Variants in DCAF1 observed in about 807,000 individuals in gnomAD.
The protein encoded by DCAF1 is DDB1 and CUL4 associated factor 1.
A neutral mutation model predicts 128.0 loss-of-function variants in DCAF1; 15 were observed. The observed-to-expected ratio is 0.12, with a 90% CI of 0.08 to 0.18. The LOEUF is 0.18. Ranked by LOEUF, DCAF1 falls within the 10% of genes least tolerant of loss-of-function variation. DCAF1 has a pLI of 1.00. For missense variants in DCAF1, 988 were observed against 1,649.5 expected (o/e 0.60, Z 6.95); for synonymous variants, 610 against 603.0 (o/e 1.01, Z -0.17).
chr3:51,423,829 A>T (rs539066051), intron 13 of DCAF1, among the ~76,000 whole-genome samples: 19 of 151,962 alleles, frequency 1.3e-4, no homozygotes, highest in African/African-American at 4.6e-4. Flanking sequence ...CAAAAAAAAA[A>T]AAAAAAAGAA....
At position 51,419,965 on chromosome 3, in the gene DCAF1, G is replaced by A. The variant is rs782752818; in HGVS notation, c.3005C>T (p.Pro1002Leu). The A allele has an allele frequency of 6.2e-7, 1 of 1,614,070 alleles. No homozygotes were observed. Among genetic ancestry groups the A allele is most frequent in the South Asian group, 1.1e-5 (1 of 91,088 alleles). The change falls in exon 15 of 25, where the codon CCT becomes CTT. Residue 1002 changes from proline to leucine, a missense_variant. Physicochemically the swap from Pro to Leu is moderately conservative, Grantham distance 98 (BLOSUM62 -3). Transcript: ENST00000684031. ...CTCTGTGATTATACTGTCCAGCGTA[G>A]GTGGGGAAGGAAGATGTCTGTCCAG... ...KQLDRHLPSP[P>L]TLDSIITEYL...
intron 2 of DCAF1, among the ~76,000 whole-genome samples, chr3:51,490,320 A>G (rs144308295): frequency 3.7e-4 from 57 of 152,228 alleles, no homozygotes; most frequent in African/African-American, 1.3e-3. Context: ...ACTCCCAGCT[A>G]CTCGGTAGGC....
chr3:51,438,123 T>C (rs375280162), intron 9 of DCAF1: 2 of 413,992 alleles, frequency 4.8e-6, no homozygotes, highest in Non-Finnish European at 9.3e-6. Context: ...TTTGGTGTGG[T>C]TATGCATTTT....
chr3:51,454,997 T>C (rs1702752159), intron 6 of DCAF1, among the ~76,000 whole-genome samples: 1 of 152,178 alleles, frequency 6.6e-6, no homozygotes, highest in South Asian at 2.1e-4. Context: ...TTTTTGATAG[T>C]TGAAGCATAC....
Position 51,419,722 on chromosome 3 carries a change from G to T in DCAF1, c.3236+12C>A, listed in dbSNP as rs782139150. ...TCCAATTCCCAGGGAGTAAGAAGGG[G>T]CCTCTTCTTACCTGCTAAAGATAAG... On this transcript the variant is annotated intron_variant, in intron 15 of 24. Transcript: ENST00000684031. 1 of 1,588,056 alleles carries T rather than the reference G, an allele frequency of 6.3e-7. No individual in the cohort carries two copies. The highest frequency in any genetic ancestry group is 1.1e-5 in the South Asian group (1 of 87,850).
intron 15 of DCAF1, 139 bp downstream of exon 15, chr3:51,419,595 T>C (rs1699213892): frequency 5.7e-6 from 8 of 1,405,126 alleles, no homozygotes; most frequent in African/African-American, 4.3e-5. Flanking sequence ...TGACAAAAGG[T>C]GGTACAATTA....
chr3:51,448,246 C>G (rs1553640750), intron 6 of DCAF1, among the ~76,000 whole-genome samples: 3 of 152,194 alleles, frequency 2.0e-5, no homozygotes, highest in Non-Finnish European at 1.5e-5. Context: ...CTGAAACTCC[C>G]TTTAGATATT....
rs147284178 is a variant in DCAF1 at position 51,439,725 on chromosome 3, C to T, written c.1128+1245G>A. ...ATTTTTTTGTGGCCAGGCGTGATGG[C>T]TCACTCCTGTAATCCCTACATTCTG... On this transcript the variant is annotated intron_variant, in intron 9 of 24. Coordinates refer to ENST00000684031, the MANE Select transcript of DCAF1 (RefSeq NM_001387579.1). 2.0e-3 allele frequency among the ~76,000 whole-genome samples: 300 copies of T among 152,238 alleles called. 4 individuals carry two copies. Among genetic ancestry groups the T allele is most frequent in the East Asian group, 0.012 (60 of 5,194 alleles).
chr3:51,473,425 C>CTTT (rs782196520), intron 3 of DCAF1, among the ~76,000 whole-genome samples: 2 of 74,176 alleles, frequency 2.7e-5, no homozygotes, highest in African/African-American at 5.3e-5. Flanking sequence ...ACTTTCTAGT[C>CTTT]TTTTTTTTTT....
chr3:51,403,041 C>CA (rs1553625397), intron 24 of DCAF1, 102 bp downstream of exon 24: 2 of 1,484,858 alleles, frequency 1.3e-6, no homozygotes, highest in Admixed American at 4.9e-5. Context: ...AATTATGGGG[C>CA]ACAGAACCGT....
chr3:51,456,779 C>T (rs1050020206), intron 6 of DCAF1, among the ~76,000 whole-genome samples: 129 of 152,158 alleles, frequency 8.5e-4, no homozygotes, highest in African/African-American at 3.0e-3. Flanking sequence ...CTGCAGCCAC[C>T]GCTGCTGATA....
chr3:51,411,281 G>C (rs1698394958), intron 23 of DCAF1, among the ~76,000 whole-genome samples: 1 of 152,066 alleles, frequency 6.6e-6, no homozygotes, highest in Non-Finnish European at 1.5e-5. Flanking sequence ...TTTAATATCT[G>C]AAGAGCAAAG....
chr3:51,457,967 T>C (rs1408721849), intron 6 of DCAF1, among the ~76,000 whole-genome samples: 4 of 152,114 alleles, frequency 2.6e-5, no homozygotes, highest in African/African-American at 7.2e-5. Context: ...ACATGCCAAA[T>C]TGTAAAGACC....
Position 51,451,069 on chromosome 3 carries a change from C to CTTTTTTTTTTTTT in DCAF1, c.376-7179_376-7167dup, listed in dbSNP as rs1167474829. Among the ~76,000 whole-genome samples, 16 of 27,110 alleles carry CTTTTTTTTTTTTT rather than the reference C, an allele frequency of 5.9e-4. 7 individuals are homozygous for CTTTTTTTTTTTTT. Among genetic ancestry groups the CTTTTTTTTTTTTT allele is most frequent in the Non-Finnish European group, 8.2e-4 (12 of 14,666 alleles). The allele number at this position is 27,110 out of a possible 152,430, so 17.8% of individuals were successfully genotyped here. Reference sequence around the variant, plus strand: ...CAATGAACAATATAAAAAGGAAATTCTTTTTTTTTTTTTTTTTTTTTTTTT... The same window carrying CTTTTTTTTTTTTT: ...CAATGAACAATATAAAAAGGAAATTCTTTTTTTTTTTTTTTTTTTTTTTTTTTTTTTTTTTTTT... On this transcript the variant is annotated intron_variant, in intron 6 of 24. Coordinates refer to ENST00000684031, the MANE Select transcript of DCAF1 (RefSeq NM_001387579.1).
intron 24 of DCAF1, among the ~76,000 whole-genome samples, chr3:51,401,627 TAA>T (rs2089709289): frequency 6.6e-6 from 1 of 152,200 alleles, no homozygotes; most frequent in Admixed American, 6.5e-5. Context: ...CCTCAACAGC[TAA>T]AAGAGGCAGT....
chr3:51,420,762 C>T lies in DCAF1; in HGVS notation c.2208G>A (p.Lys736=), dbSNP rs553367542. 6.2e-7 allele frequency: 1 copy of T among 1,614,050 alleles called. No homozygotes were observed. Among genetic ancestry groups the T allele is most frequent in the African/African-American group, 1.3e-5 (1 of 75,052 alleles). Residue 736 remains lysine, a synonymous_variant, in exon 15 of 25, where the codon AAG becomes AAA. Transcript: ENST00000684031. This position sits in a 1 kb window ranked among gnomAD's most constrained non-coding sequence, Gnocchi z 6.5. ...WNVVQSNNGI[K]VLLSLLSIKM... is the part of the protein sequence containing the mutation. The stretch of plus-strand genomic sequence containing the variant: ...TAATGGACAGTAAGGACAGGAGCAC[C>T]TTGATGCCGTTGTTGGACTGAACCA...
chr3:51,446,869 G>A (rs1157790435), intron 6 of DCAF1, among the ~76,000 whole-genome samples: 1 of 150,552 alleles, frequency 6.6e-6, no homozygotes, highest in African/African-American at 2.4e-5. Context: ...GCTGAGGCAG[G>A]AGAATCGCTG....
chr3:51,483,145 A>G (rs1194992026), intron 3 of DCAF1, among the ~76,000 whole-genome samples: 7 of 150,026 alleles, frequency 4.7e-5, no homozygotes, highest in African/African-American at 1.7e-4. Context: ...GTATGAAAAA[A>G]AAAAAAAAAG....
At chr3:51,474,685 A>G (rs1039608098) in intron 3 of DCAF1, among the ~76,000 whole-genome samples, 15 of 150,924 alleles carry the variant, frequency 9.9e-5, no homozygotes, top group African/African-American at 3.7e-4. Context: ...CAGTGGCACA[A>G]TCGTACCTCA....
Sources: gnomAD v4.1 joint callset for allele counts (sites outside exome capture counted in the v4.1 genomes callset) on GRCh38, gnomAD v4.1.1 for gene constraint, Gnocchi (gnomAD v3.1) non-coding constraint, MANE v1.5 for transcripts, NCBI Gene and HGNC (gene_info 2026-07-23, HGNC 2026-07-21) for gene names.